The following MAN1C1 variants were observed in gnomAD, a reference collection of about 807,000 sequenced individuals.
MAN1C1 encodes the protein mannosidase alpha class 1C member 1, also known as mannosyl-oligosaccharide 1,2-alpha-mannosidase IC.
MAN1C1 carries 49 observed loss-of-function variants against 71.5 expected under a neutral mutation model. The ratio of observed to expected loss-of-function variants is 0.69; its 90% CI spans 0.54 to 0.87. The LOEUF is 0.87. MAN1C1 is among the 40% of genes least tolerant of loss of function. The pLI is 0.00. For missense variants in MAN1C1, 743 were observed against 835.0 expected, an observed-to-expected ratio of 0.89 and a Z score of 1.36; for synonymous variants, 352 against 343.7, an observed-to-expected ratio of 1.02 and a Z score of -0.27.
intron 1 of MAN1C1, among the ~76,000 whole-genome samples, chr1:25,642,684 A>G (rs1286946022): frequency 6.6e-6 from 1 of 152,334 alleles, no homozygotes; most frequent in East Asian, 1.9e-4. Flanking sequence ...AACACATCCT[A>G]TTTGTCCCAG....
intron 2 of MAN1C1, among the ~76,000 whole-genome samples, chr1:25,726,894 A>T (rs958384747): frequency 1.7e-4 from 18 of 105,690 alleles, no homozygotes; most frequent in Admixed American, 1.3e-3. Flanking sequence ...CATCTCTATT[A>T]AAAAAAAAAA....
rs74860491 is a variant in MAN1C1 at position 25,774,576 on chromosome 1, G to A, written c.1257+2804G>A. ...GGCGGCAAAGGAAGGAACAGCCAGC[G>A]CCAGGCACTGAGCCAGGCTTCGAAT... On this transcript the variant is annotated intron_variant, in intron 8 of 11. Transcript: ENST00000374332. 7.9e-5 allele frequency among the ~76,000 whole-genome samples: 12 copies of A among 152,282 alleles called. No individual in the cohort carries two copies. In the East Asian group the frequency reaches 1.5e-3, roughly 20 times the overall value.
chr1:25,646,985 G>A (rs2045623927), intron 1 of MAN1C1, among the ~76,000 whole-genome samples: 2 of 152,090 alleles, frequency 1.3e-5, no homozygotes, highest in African/African-American at 2.4e-5. Flanking sequence ...GGTGGGGAAC[G>A]GTCAGACTGT....
intron 1 of MAN1C1, among the ~76,000 whole-genome samples, chr1:25,648,352 T>C (rs977184963): frequency 6.6e-5 from 10 of 152,360 alleles, no homozygotes; most frequent in African/African-American, 2.4e-4. Context: ...TGTGTTGCAC[T>C]TCTTGCAGAA....
intron 2 of MAN1C1, among the ~76,000 whole-genome samples, chr1:25,727,139 C>T (rs2046843058): frequency 6.6e-6 from 1 of 152,152 alleles, no homozygotes; most frequent in Non-Finnish European, 1.5e-5. Flanking sequence ...ATGGAGGCTG[C>T]TAGACCCAGC....
intron 5 of MAN1C1, 68 bp from the exon 6 acceptor site, chr1:25,758,524 T>C: frequency 1.4e-6 from 2 of 1,398,992 alleles, no homozygotes; most frequent in Admixed American, 1.7e-5. Flanking sequence ...GAGCAGCTGC[T>C]GTTACTGTCA....
chr1:25,749,599 G>A (rs751159206), intron 4 of MAN1C1, among the ~76,000 whole-genome samples: 12 of 152,124 alleles, frequency 7.9e-5, no homozygotes, highest in Non-Finnish European at 1.8e-4. Context: ...ACAAAGCAGC[G>A]GCAGCAAGAG....
At chr1:25,656,166 C>T (rs565884430) in intron 1 of MAN1C1, among the ~76,000 whole-genome samples, 20 of 134,556 alleles carry the variant, frequency 1.5e-4, no homozygotes, top group African/African-American at 5.7e-4. Context: ...GGCATGATCT[C>T]GGCTCACTGC....
intron 1 of MAN1C1, among the ~76,000 whole-genome samples, chr1:25,664,073 C>A (rs2045887243): frequency 6.6e-6 from 1 of 152,170 alleles, no homozygotes; most frequent in African/African-American, 2.4e-5. Flanking sequence ...TGATCAGGGA[C>A]TAGGCTGCAT....
chr1:25,658,102 C>T (rs773020528), intron 1 of MAN1C1, among the ~76,000 whole-genome samples: 4 of 152,192 alleles, frequency 2.6e-5, no homozygotes, highest in Non-Finnish European at 4.4e-5. Context: ...CTCTGGGAGC[C>T]CCTGGTCCTG....
chr1:25,771,838 C>T (rs548510467), intron 8 of MAN1C1, 66 bp downstream of exon 8: 88 of 1,346,984 alleles, frequency 6.5e-5, no homozygotes, highest in South Asian at 2.3e-4. Flanking sequence ...CACGGCCGAG[C>T]GAGGGTGCTG....
chr1:25,640,952 T>A (rs1331512429), intron 1 of MAN1C1, among the ~76,000 whole-genome samples: 2 of 152,230 alleles, frequency 1.3e-5, no homozygotes, highest in African/African-American at 4.8e-5. Flanking sequence ...AGGTTCTCTG[T>A]GCTCTGAGTG....
chr1:25,683,134 C>G (rs2046178510), intron 1 of MAN1C1, among the ~76,000 whole-genome samples: 1 of 152,130 alleles, frequency 6.6e-6, no homozygotes, highest in South Asian at 2.1e-4. Context: ...CTGTCCATCT[C>G]TAAAGTCCAG....
rs562128044 is a variant in MAN1C1 at position 25,751,483 on chromosome 1, C to A, written c.835-2001C>A. The stretch of plus-strand genomic sequence containing the variant: ...GCAACCCAGCTTTCCAGAACATAGA[C>A]CAGATAGTGGGGTGTGGACAGGAGC... On this transcript the variant is annotated intron_variant, in intron 4 of 11. Transcript: ENST00000374332. Among the ~76,000 whole-genome samples the A allele has an allele frequency of 5.9e-5, 9 of 152,294 alleles. No homozygotes were observed. In the East Asian group the frequency reaches 1.7e-3, roughly 29 times the overall value.
At chr1:25,623,258 A>G (rs2045242332) in intron 1 of MAN1C1, among the ~76,000 whole-genome samples, 1 of 152,202 alleles carries the variant, frequency 6.6e-6, no homozygotes, top group African/African-American at 2.4e-5. Context: ...TACCAGGTAT[A>G]CAACTTAACT....
intron 7 of MAN1C1, among the ~76,000 whole-genome samples, chr1:25,768,111 C>T (rs1467266791): frequency 8.8e-6 from 1 of 113,222 alleles, no homozygotes; most frequent in Admixed American, 8.9e-5. Context: ...CCCTCACATA[C>T]ATCCACGCTC....
intron 9 of MAN1C1, 174 bp from the exon 10 acceptor site, chr1:25,780,766 C>T (rs1047444449): frequency 2.2e-5 from 14 of 630,434 alleles, no homozygotes; most frequent in Admixed American, 5.7e-5. Context: ...AAGAGGGAAG[C>T]TGTGCATCTG....
chr1:25,724,540 G>T (rs1201686959), intron 2 of MAN1C1, among the ~76,000 whole-genome samples: 1 of 151,744 alleles, frequency 6.6e-6, no homozygotes, highest in Non-Finnish European at 1.5e-5. Context: ...GCCTCTGCGT[G>T]TGTCACATTT....
intron 8 of MAN1C1, among the ~76,000 whole-genome samples, chr1:25,777,134 CT>C (rs915652850): frequency 6.6e-6 from 1 of 152,170 alleles, no homozygotes; most frequent in Non-Finnish European, 1.5e-5. Context: ...TTGGAAACCA[CT>C]GAAGGTTCTA....
Sources: gnomAD v4.1 joint callset for allele counts (sites outside exome capture counted in the v4.1 genomes callset) on GRCh38, gnomAD v4.1.1 for gene constraint, MANE v1.5 for transcripts, NCBI Gene and HGNC (gene_info 2026-07-23, HGNC 2026-07-21) for gene names.